EPHA6: variants seen among roughly 807,000 people sequenced by gnomAD.
EPHA6 encodes the protein EPH receptor A6.
EPHA6 carries 50 observed loss-of-function variants against 112.0 expected under a neutral mutation model. That is an observed-to-expected ratio of 0.45 (90% CI 0.36 to 0.56). The LOEUF is 0.56. EPHA6 is among the 20% of genes least tolerant of loss of function. The pLI, the probability that EPHA6 is intolerant of heterozygous loss-of-function variation, is 0.00. For missense variants in EPHA6, 1,280 were observed against 1,417.4 expected, an observed-to-expected ratio of 0.90 and a Z score of 1.56; for synonymous variants, 529 against 490.7, an observed-to-expected ratio of 1.08 and a Z score of -1.03.
intron 5 of EPHA6, among the ~76,000 whole-genome samples, chr3:97,258,749 AGTT>A (rs1559833463): frequency 1.3e-5 from 2 of 152,158 alleles, no homozygotes; most frequent in East Asian, 1.9e-4. Flanking sequence ...GTGTAAATTC[AGTT>A]AAGTTATTTA....
chr3:96,947,591 T>C (rs1375277419), intron 2 of EPHA6, among the ~76,000 whole-genome samples: 1 of 152,148 alleles, frequency 6.6e-6, no homozygotes, highest in Admixed American at 6.6e-5. Flanking sequence ...ACAAGCATTC[T>C]TATACACCAA....
chr3:97,235,628 T>C (rs2078655393), intron 4 of EPHA6, among the ~76,000 whole-genome samples: 1 of 152,108 alleles, frequency 6.6e-6, no homozygotes, highest in Admixed American at 6.6e-5. Flanking sequence ...TATTAGAAAG[T>C]ATTATTTCTA....
intron 2 of EPHA6, among the ~76,000 whole-genome samples, chr3:96,935,683 A>G (rs1396352527): frequency 6.8e-6 from 1 of 148,146 alleles, no homozygotes; most frequent in African/African-American, 2.5e-5. Flanking sequence ...TAAACATTAT[A>G]TATACACACA....
chr3:97,641,580 G>A (rs1333783674), intron 14 of EPHA6, among the ~76,000 whole-genome samples: 1 of 152,230 alleles, frequency 6.6e-6, no homozygotes, highest in Non-Finnish European at 1.5e-5. Context: ...GATAGTGGGT[G>A]CAGCGCACCA....
At position 97,749,926 on chromosome 3, in the gene EPHA6, G is replaced by C. The variant is rs1360906161; in HGVS notation, c.*1225G>C. On this transcript the variant is annotated 3_prime_UTR_variant, in exon 18 of 18. Transcript: ENST00000389672. Reference sequence around the variant, plus strand: ...AACAGATCTTACACATGAGCATAGTGTGTCAACCTGGGTCCAACGTACAGT... The same window carrying C: ...AACAGATCTTACACATGAGCATAGTCTGTCAACCTGGGTCCAACGTACAGT... Among the ~76,000 whole-genome samples, 2 of 152,164 alleles carry C rather than the reference G, an allele frequency of 1.3e-5. No individual in the cohort carries two copies. Among genetic ancestry groups the C allele is most frequent in the Non-Finnish European group, 2.9e-5 (2 of 68,008 alleles).
At chr3:97,411,791 T>C (rs943441094) in intron 6 of EPHA6, among the ~76,000 whole-genome samples, 8 of 152,044 alleles carry the variant, frequency 5.3e-5, no homozygotes, top group Non-Finnish European at 1.0e-4. Flanking sequence ...GAGAAACCTA[T>C]GTATTTTTAT....
intron 11 of EPHA6, among the ~76,000 whole-genome samples, chr3:97,543,565 C>T (rs2092900071): frequency 6.6e-6 from 1 of 152,142 alleles, no homozygotes; most frequent in Non-Finnish European, 1.5e-5. Flanking sequence ...TTAGGATTGA[C>T]TTGGCTATGT....
chr3:96,868,559 A>T (rs556346829), intron 2 of EPHA6, among the ~76,000 whole-genome samples: 1 of 151,934 alleles, frequency 6.6e-6, no homozygotes, highest in African/African-American at 2.4e-5. Flanking sequence ...TAAATTTTTC[A>T]GGTACTCAGT....
intron 3 of EPHA6, among the ~76,000 whole-genome samples, chr3:97,038,254 T>C (rs1308836449): frequency 1.3e-5 from 2 of 152,040 alleles, no homozygotes; most frequent in East Asian, 3.9e-4. Flanking sequence ...CTAAGTCTTA[T>C]TTCTTTTATC....
chr3:97,699,149 T>C (rs1330727041), intron 14 of EPHA6, among the ~76,000 whole-genome samples: 1 of 152,140 alleles, frequency 6.6e-6, no homozygotes, highest in African/African-American at 2.4e-5. Context: ...CTTCTGGTTG[T>C]TCCATTGTGA....
chr3:97,095,911 A>G (rs1276736895), intron 3 of EPHA6, among the ~76,000 whole-genome samples: 2 of 152,000 alleles, frequency 1.3e-5, no homozygotes, highest in Non-Finnish European at 2.9e-5. Context: ...ATGATATTAT[A>G]CTTTGAAAAC....
intron 6 of EPHA6, among the ~76,000 whole-genome samples, chr3:97,426,446 C>G (rs1376201921): frequency 6.6e-6 from 1 of 152,182 alleles, no homozygotes; most frequent in South Asian, 2.1e-4. Context: ...TTCCACCTGG[C>G]CCTGTCATTG....
intron 3 of EPHA6, among the ~76,000 whole-genome samples, chr3:97,055,598 CAG>C (rs2045826993): frequency 2.0e-5 from 3 of 152,068 alleles, no homozygotes; most frequent in African/African-American, 4.8e-5. Context: ...ATTAAGAAAA[CAG>C]AATGCTTGTT....
chr3:97,132,605 T>G (rs1433749515), intron 3 of EPHA6, among the ~76,000 whole-genome samples: 2 of 152,060 alleles, frequency 1.3e-5, no homozygotes, highest in Admixed American at 1.3e-4. Context: ...AAAAATGTCC[T>G]CTAACATCAC....
chr3:96,908,385 ACCAGAGATTTG>A, intron 2 of EPHA6, among the ~76,000 whole-genome samples: 1 of 152,148 alleles, frequency 6.6e-6, no homozygotes, highest in Non-Finnish European at 1.5e-5. Context: ...TATATATTTT[ACCAGAGATTTG>A]CCATGCCCTC....
chr3:96,984,590 G>T (rs2042945825), intron 2 of EPHA6, among the ~76,000 whole-genome samples: 1 of 152,134 alleles, frequency 6.6e-6, no homozygotes. Flanking sequence ...TGTCAGACAG[G>T]GACATTTAAG....
In EPHA6 at chr3:97,181,441, C is replaced by A. The variant is rs78918131; in HGVS notation, c.1115-44823C>A. Among the ~76,000 whole-genome samples the A allele has an allele frequency of 9.9e-5, 15 of 152,192 alleles. No individual in the cohort carries two copies. The East Asian group carries it at 2.9e-3, about 29-fold the overall frequency. ...ATCACTGGAATTTTCTATTTCACATCTTTCTCTGCCCTCCTCCCTTTCCTT... is the reference window on the plus strand; with the variant it reads ...ATCACTGGAATTTTCTATTTCACATATTTCTCTGCCCTCCTCCCTTTCCTT... On this transcript the variant is annotated intron_variant, in intron 3 of 17. Transcript: ENST00000389672.
intron 14 of EPHA6, among the ~76,000 whole-genome samples, chr3:97,673,900 G>A (rs1414374734): frequency 1.3e-5 from 2 of 152,148 alleles, no homozygotes; most frequent in African/African-American, 4.8e-5. Flanking sequence ...CTATTAGCAG[G>A]ACTATATTTT....
chr3:97,573,348 G>A (rs1277994385), intron 11 of EPHA6, among the ~76,000 whole-genome samples: 4 of 152,056 alleles, frequency 2.6e-5, no homozygotes, highest in East Asian at 1.9e-4. Context: ...ATATGAAGTC[G>A]AGTAAAGGTG....
Sources: allele counts gnomAD v4.1 joint callset (sites outside exome capture counted in the v4.1 genomes callset), GRCh38; gene constraint gnomAD v4.1.1; transcripts MANE v1.5; gene names NCBI Gene and HGNC (gene_info 2026-07-23, HGNC 2026-07-21).